The following RFC3 variants were observed in gnomAD, a reference collection of about 807,000 sequenced individuals.
RFC3 encodes the protein replication factor C subunit 3.
A neutral mutation model predicts 45.1 loss-of-function variants in RFC3; 41 were observed. That is an observed-to-expected ratio of 0.91 (90% CI 0.71 to 1.18). RFC3 has a LOEUF of 1.18. Among genes scored for constraint, RFC3 ranks in the 50% most tolerant of loss-of-function variants. The pLI is 0.00. For missense variants in RFC3, 423 were observed against 428.1 expected (o/e 0.99, Z 0.10); for synonymous variants, 149 against 144.0 (o/e 1.03, Z -0.25).
intron 8 of RFC3, among the ~76,000 whole-genome samples, chr13:33,963,440 A>G (rs1290982967): frequency 2.0e-5 from 3 of 152,224 alleles, no homozygotes; most frequent in Admixed American, 6.5e-5. Flanking sequence ...ATAAAACTTA[A>G]AACTACCTAA....
At chr13:33,914,039 T>C (rs910917032) in intron 8 of RFC3, among the ~76,000 whole-genome samples, 24 of 152,140 alleles carry the variant, frequency 1.6e-4, no homozygotes, top group Admixed American at 5.2e-4. Flanking sequence ...AGACAGCTAA[T>C]TGCCTTACAA....
intron 8 of RFC3, 105 bp downstream of exon 8, chr13:33,835,322 C>A: frequency 1.3e-6 from 1 of 778,030 alleles, no homozygotes; most frequent in South Asian, 1.4e-5. Flanking sequence ...TCTTTCTCTC[C>A]AGCGCATTAA....
intron 8 of RFC3, among the ~76,000 whole-genome samples, chr13:33,893,071 C>T (rs190107324): frequency 4.7e-4 from 72 of 152,132 alleles, no homozygotes; most frequent in African/African-American, 1.6e-3. Flanking sequence ...GAGGACAGGC[C>T]GAGAGAAGGG....
chr13:33,950,191 T>C (rs1259271381), intron 8 of RFC3, among the ~76,000 whole-genome samples: 2 of 152,052 alleles, frequency 1.3e-5, no homozygotes, highest in Non-Finnish European at 2.9e-5. Context: ...TTCATGTACT[T>C]TGAGTTTAGA....
At chr13:33,925,874 T>C (rs891476512) in intron 8 of RFC3, among the ~76,000 whole-genome samples, 1 of 151,996 alleles carries the variant, frequency 6.6e-6, no homozygotes, top group Non-Finnish European at 1.5e-5. Flanking sequence ...GACATTGTTG[T>C]ATCAATATCA....
chr13:33,897,333 GTCA>G (rs1243917926), intron 8 of RFC3, among the ~76,000 whole-genome samples: 6 of 151,708 alleles, frequency 4.0e-5, no homozygotes, highest in African/African-American at 1.5e-4. Context: ...TCTAAGATAA[GTCA>G]TCAACTCTTT....
At position 33,819,001 on chromosome 13, in the gene RFC3, C is replaced by T. The variant is rs531987785; in HGVS notation, c.87+736C>T. On this transcript the variant is annotated intron_variant, in intron 1 of 8. Transcript: ENST00000380071. Reference sequence around the variant, plus strand: ...CGCCTCACGGGTTCAAGCGATTCTCCTGCCTCAGCCTCCCGAGTAGCTGGG... The same window carrying T: ...CGCCTCACGGGTTCAAGCGATTCTCTTGCCTCAGCCTCCCGAGTAGCTGGG... 3.7e-4 allele frequency among the ~76,000 whole-genome samples: 56 copies of T among 151,238 alleles called. 1 individual carries two copies. The highest frequency in any genetic ancestry group is 1.3e-3 in the African/African-American group (54 of 41,114).
chr13:33,840,126 G>T (rs2139438237), downstream of RFC3, among the ~76,000 whole-genome samples: 1 of 152,136 alleles, frequency 6.6e-6, no homozygotes, highest in Non-Finnish European at 1.5e-5. Flanking sequence ...ACTACTTTGG[G>T]TTTGTTGCAG....
chr13:33,855,864 A>G (rs1441316580), intron 8 of RFC3, among the ~76,000 whole-genome samples: 2 of 152,122 alleles, frequency 1.3e-5, no homozygotes. Flanking sequence ...GGTGCTGGAT[A>G]TTAGACCTCT....
downstream of RFC3, among the ~76,000 whole-genome samples, chr13:33,839,173 G>A (rs3135649): frequency 0.78 from 118,740 of 152,098 alleles, 48,381 homozygotes; most frequent in Non-Finnish European, 0.92. Context: ...TTAGCCGTCC[G>A]TCAGTTATAT....
chr13:33,934,263 G>A (rs1210907091), intron 8 of RFC3, among the ~76,000 whole-genome samples: 1 of 152,084 alleles, frequency 6.6e-6, no homozygotes, highest in Non-Finnish European at 1.5e-5. Flanking sequence ...ATTCTTGGAG[G>A]TTGAGTCTGC....
chr13:33,856,270 G>C (rs901641138), intron 8 of RFC3, among the ~76,000 whole-genome samples: 1 of 152,146 alleles, frequency 6.6e-6, no homozygotes, highest in Admixed American at 6.5e-5. Flanking sequence ...TTATTTATAA[G>C]TGGGAGTTAA....
At chr13:33,895,598 G>C (rs1227993337) in intron 8 of RFC3, among the ~76,000 whole-genome samples, 2 of 152,088 alleles carry the variant, frequency 1.3e-5, no homozygotes, top group South Asian at 4.1e-4. Context: ...TAAAGGTCTG[G>C]ATATTTCTCT....
At chr13:33,940,996 A>T (rs915961889) in intron 8 of RFC3, among the ~76,000 whole-genome samples, 6 of 152,228 alleles carry the variant, frequency 3.9e-5, no homozygotes, top group African/African-American at 1.4e-4. Flanking sequence ...GACCCAACCC[A>T]CAAGTGTTTA....
chr13:33,963,555 C>T (rs1054633270), intron 8 of RFC3, among the ~76,000 whole-genome samples: 36 of 151,942 alleles, frequency 2.4e-4, no homozygotes, highest in African/African-American at 8.5e-4. Context: ...CTTAGAGACT[C>T]CAGACACACC....
intron 8 of RFC3, among the ~76,000 whole-genome samples, chr13:33,923,223 G>A (rs1165620987): frequency 6.6e-6 from 1 of 152,036 alleles, no homozygotes; most frequent in Non-Finnish European, 1.5e-5. Context: ...TAGCTATGAG[G>A]AGAGGAGATG....
At chr13:33,891,511 T>A (rs558300083) in intron 8 of RFC3, among the ~76,000 whole-genome samples, 1 of 152,306 alleles carries the variant, frequency 6.6e-6, no homozygotes, top group South Asian at 2.1e-4. Context: ...AAAAGGTACT[T>A]AGTGGATAAT....
intron 1 of RFC3, among the ~76,000 whole-genome samples, chr13:33,819,039 C>A (rs944897103): frequency 6.6e-6 from 1 of 151,778 alleles, no homozygotes; most frequent in East Asian, 1.9e-4. Flanking sequence ...TACAGGCGCC[C>A]GCCACCACGC....
Position 33,823,914 on chromosome 13 carries a change from C to T in RFC3, c.226-3C>T. ...TTAAAAATATCTTTTTCTTTGTCCA[C>T]AGACTCCATCTAAAAAAAAAATTGA... On this transcript the variant is annotated splice_polypyrimidine_tract_variant and splice_region_variant and intron_variant, in intron 2 of 8. Transcript: ENST00000380071. 1 of 1,491,802 alleles carries T rather than the reference C, an allele frequency of 6.7e-7. No individual in the cohort carries two copies. The highest frequency in any genetic ancestry group is 9.2e-7 in the Non-Finnish European group (1 of 1,081,884). The allele number at this position is 1,491,802 out of a possible 1,614,324, so 92.4% of individuals were successfully genotyped here.
Sources: gnomAD v4.1 joint callset for allele counts (sites outside exome capture counted in the v4.1 genomes callset) on GRCh38, gnomAD v4.1.1 for gene constraint, MANE v1.5 for transcripts, NCBI Gene and HGNC (gene_info 2026-07-23, HGNC 2026-07-21) for gene names.